Variants in ZFPM2 observed in about 807,000 individuals in gnomAD.
ZFPM2 encodes the protein zinc finger protein, FOG family member 2.
ZFPM2 carries 20 observed loss-of-function variants against 98.6 expected under a neutral mutation model. That is an observed-to-expected ratio of 0.20 (90% CI 0.14 to 0.29). The LOEUF is 0.29. Ranked by LOEUF, ZFPM2 falls within the 10% of genes least tolerant of loss-of-function variation. ZFPM2 has a pLI of 1.00. For synonymous variants in ZFPM2, 518 were observed against 502.7 expected (o/e 1.03, Z -0.41); for missense variants, 1,310 against 1,388.6 (o/e 0.94, Z 0.90).
At chr8:105,512,077 G>A (rs374123379) in intron 3 of ZFPM2, among the ~76,000 whole-genome samples, 119 of 152,204 alleles carry the variant, frequency 7.8e-4, no homozygotes, top group African/African-American at 2.7e-3. Flanking sequence ...CCTGGGAGGC[G>A]GAGGCTGCAG....
intron 4 of ZFPM2, among the ~76,000 whole-genome samples, chr8:105,622,026 A>G (rs1425996023): frequency 1.3e-5 from 2 of 152,136 alleles, no homozygotes; most frequent in Non-Finnish European, 2.9e-5. Flanking sequence ...TAGAAACAAT[A>G]TAGAGAAATC....
intron 1 of ZFPM2, among the ~76,000 whole-genome samples, chr8:105,399,716 T>A (rs532961286): frequency 2.0e-4 from 14 of 70,106 alleles, no homozygotes; most frequent in Admixed American, 9.7e-4. Flanking sequence ...TATTTTTTTA[T>A]TTTTTGATAG....
At chr8:105,443,225 C>T (rs985468801) in intron 2 of ZFPM2, among the ~76,000 whole-genome samples, 1 of 150,868 alleles carries the variant, frequency 6.6e-6, no homozygotes, top group Non-Finnish European at 1.5e-5. Flanking sequence ...AGGAGAATCG[C>T]TTGAACCTGA....
chr8:105,360,689 G>C lies in ZFPM2; in HGVS notation c.40+41708G>C, dbSNP rs1812840496. The stretch of plus-strand genomic sequence containing the variant: ...CTTCCTGTGTCCATGTGTTCCCATT[G>C]TTCAATTCCCACCTATGAGTGAGAA... On this transcript the variant is annotated intron_variant, in intron 1 of 7. Coordinates refer to ENST00000407775, the MANE Select transcript of ZFPM2 (RefSeq NM_012082.4). Among the ~76,000 whole-genome samples, 3 of 143,180 alleles carry C rather than the reference G, an allele frequency of 2.1e-5. No individual in the cohort carries two copies. The Admixed American group carries it at 2.2e-4, about 11-fold the overall frequency. The allele number at this position is 143,180 out of a possible 152,430, so 93.9% of individuals were successfully genotyped here.
At chr8:105,549,197 G>A (rs1198859665) in intron 3 of ZFPM2, among the ~76,000 whole-genome samples, 3 of 151,848 alleles carry the variant, frequency 2.0e-5, no homozygotes, top group Non-Finnish European at 4.4e-5. Context: ...ATTCATGTTG[G>A]AAAGGGAAAG....
At position 105,803,419 on chromosome 8, in the gene ZFPM2, C is replaced by G. The variant is rs1265903000; in HGVS notation, c.3337C>G (p.Gln1113Glu). ...SIAKGVNGSS[Q>E]APTSGKYCRL... Reference sequence around the variant, plus strand: ...AGCAAAAGGTGTGAATGGTTCCAGCCAGGCTCCAACCAGTGGGAAATATTG... The same window carrying G: ...AGCAAAAGGTGTGAATGGTTCCAGCGAGGCTCCAACCAGTGGGAAATATTG... Residue 1113 changes from glutamine (Q) to glutamate (E), a missense_variant, in exon 8 of 8, where the codon CAG becomes GAG. Coordinates refer to ENST00000407775, the MANE Select transcript of ZFPM2 (RefSeq NM_012082.4). The G allele has an allele frequency of 6.2e-7, 1 of 1,613,866 alleles. No individual in the cohort carries two copies.
At chr8:105,546,985 G>A (rs1360630707) in intron 3 of ZFPM2, among the ~76,000 whole-genome samples, 2 of 151,870 alleles carry the variant, frequency 1.3e-5, no homozygotes, top group African/African-American at 2.4e-5. Flanking sequence ...TTTTTGGGGA[G>A]GAGGTCAGAT....
intron 6 of ZFPM2, among the ~76,000 whole-genome samples, chr8:105,792,689 A>C (rs1813656443): frequency 6.6e-6 from 1 of 152,130 alleles, no homozygotes; most frequent in African/African-American, 2.4e-5. Context: ...GTGGGGTGTT[A>C]AAGTCTCCCA....
chr8:105,558,243 C>T (rs890090876), intron 3 of ZFPM2, among the ~76,000 whole-genome samples: 6 of 152,238 alleles, frequency 3.9e-5, no homozygotes, highest in African/African-American at 1.2e-4. Context: ...GTAGAATATA[C>T]ATGCTAATTA....
intron 3 of ZFPM2, among the ~76,000 whole-genome samples, chr8:105,480,664 C>T (rs1218723699): frequency 6.6e-6 from 1 of 151,986 alleles, no homozygotes; most frequent in African/African-American, 2.4e-5. Context: ...TTGAAAAGAG[C>T]CCTTTGCAGG....
At chr8:105,744,087 T>G (rs1332395432) in intron 5 of ZFPM2, among the ~76,000 whole-genome samples, 3 of 152,136 alleles carry the variant, frequency 2.0e-5, no homozygotes, top group Non-Finnish European at 2.9e-5. Context: ...GTTGTAGACA[T>G]GCAAATAGGC....
chr8:105,778,225 T>G (rs893851413), intron 5 of ZFPM2, among the ~76,000 whole-genome samples: 2 of 152,152 alleles, frequency 1.3e-5, no homozygotes, highest in Non-Finnish European at 2.9e-5. Flanking sequence ...TGTCCTGTGT[T>G]CATGCCTAGA....
At chr8:105,346,388 A>T (rs1291444557) in intron 1 of ZFPM2, among the ~76,000 whole-genome samples, 1 of 151,468 alleles carries the variant, frequency 6.6e-6, no homozygotes, top group Non-Finnish European at 1.5e-5. Context: ...CCATCTCAAA[A>T]AAAAAAAAAA....
chr8:105,747,807 C>T (rs1002403512), intron 5 of ZFPM2, among the ~76,000 whole-genome samples: 3 of 152,074 alleles, frequency 2.0e-5, no homozygotes, highest in African/African-American at 7.2e-5. Context: ...TTAAACCTCT[C>T]ACATGATGCA....
At chr8:105,670,483 G>A (rs1406600596) in intron 5 of ZFPM2, among the ~76,000 whole-genome samples, 22 of 120,690 alleles carry the variant, frequency 1.8e-4, no homozygotes, top group Admixed American at 3.1e-4. Context: ...GCGACAGAGC[G>A]AGAGTCCATC....
At chr8:105,727,985 A>G (rs1811854208) in intron 5 of ZFPM2, among the ~76,000 whole-genome samples, 3 of 151,534 alleles carry the variant, frequency 2.0e-5, no homozygotes, top group Admixed American at 6.6e-5. Context: ...AAACAGCTCT[A>G]TACAGCTGAA....
At chr8:105,383,796 A>C (rs536343583) in intron 1 of ZFPM2, among the ~76,000 whole-genome samples, 2 of 152,318 alleles carry the variant, frequency 1.3e-5, no homozygotes, top group South Asian at 2.1e-4. Flanking sequence ...CTCCTGCTGG[A>C]TCAGCCAGCA....
chr8:105,553,874 A>G (rs376984194), intron 3 of ZFPM2, among the ~76,000 whole-genome samples: 1 of 151,928 alleles, frequency 6.6e-6, no homozygotes, highest in Non-Finnish European at 1.5e-5. Context: ...TGTCAGCAGG[A>G]TAAGTTCATG....
chr8:105,409,542 G>C (rs1274652405), intron 1 of ZFPM2, among the ~76,000 whole-genome samples: 1 of 151,924 alleles, frequency 6.6e-6, no homozygotes, highest in Admixed American at 6.6e-5. Context: ...TGAAAGGCAG[G>C]TTGATTACAG....
Sources: allele counts gnomAD v4.1 joint callset (sites outside exome capture counted in the v4.1 genomes callset), GRCh38; gene constraint gnomAD v4.1.1; transcripts MANE v1.5; gene names NCBI Gene and HGNC (gene_info 2026-07-23, HGNC 2026-07-21).